Variants in ADAMTSL3 observed in about 807,000 individuals in gnomAD.
ADAMTSL3 encodes ADAMTS like 3.
A neutral mutation model predicts 201.7 loss-of-function variants in ADAMTSL3; 128 were observed. The observed-to-expected ratio is 0.63, with a 90% CI of 0.55 to 0.73. The LOEUF is 0.73. Among genes scored for constraint, ADAMTSL3 ranks in the 30% least tolerant of loss-of-function variants. The pLI, the probability that ADAMTSL3 is intolerant of heterozygous loss-of-function variation, is 0.00. For synonymous variants in ADAMTSL3, 738 were observed against 748.4 expected (o/e 0.99, Z 0.23); for missense variants, 1,990 against 2,119.6 (o/e 0.94, Z 1.20).
At position 83,819,842 on chromosome 15, in the gene ADAMTSL3, C is replaced by A; in HGVS notation, c.395C>A (p.Ala132Asp). The A allele has an allele frequency of 6.2e-7, 1 of 1,613,972 alleles. No homozygotes were observed. Among genetic ancestry groups the A allele is most frequent in the Non-Finnish European group, 8.5e-7 (1 of 1,180,032 alleles). Residue 132 changes from alanine to aspartate, a missense_variant, in exon 6 of 30, where the codon GCC (alanine) becomes GAC (aspartate). Transcript: ENST00000286744. ...CCTCCAGATGCAGAAGATTTCAGAG[C>A]CCAGCAGTGCTCAGCCTACAATGAT... ...DCPPDAEDFR[A>D]QQCSAYNDVQ...
intron 7 of ADAMTSL3, among the ~76,000 whole-genome samples, chr15:83,850,711 C>T (rs2141741430): frequency 6.6e-6 from 1 of 152,264 alleles, no homozygotes; most frequent in South Asian, 2.1e-4. Context: ...AGCACATTAA[C>T]AGTCTCTTTA....
rs1444338426 is a variant in ADAMTSL3, at chr15:83,913,178, C to A, written c.1787C>A (p.Thr596Lys). 1 of 1,614,084 alleles carries A rather than the reference C, an allele frequency of 6.2e-7. No homozygotes were observed. The highest frequency in any genetic ancestry group is 8.5e-7 in the Non-Finnish European group (1 of 1,180,044). The change falls in exon 16 of 30, where the codon ACA (threonine) becomes AAA (lysine). Residue 596 changes from threonine to lysine, a missense_variant. Transcript: ENST00000286744. ...VREVKCRVLL[T>K]FTQTETELPE... Reference sequence around the variant, plus strand: ...GAGGTGAAGTGCCGTGTGCTCCTCACATTCACGCAGACTGAGACTGAGCTG... The same window carrying A: ...GAGGTGAAGTGCCGTGTGCTCCTCAAATTCACGCAGACTGAGACTGAGCTG...
chr15:83,872,127 T>C (rs1392190350), intron 9 of ADAMTSL3, among the ~76,000 whole-genome samples: 1 of 152,178 alleles, frequency 6.6e-6, no homozygotes, highest in Non-Finnish European at 1.5e-5. Context: ...GGATTTTGAA[T>C]AATCAACTCT....
intron 20 of ADAMTSL3, among the ~76,000 whole-genome samples, chr15:83,978,109 G>T (rs2067317911): frequency 6.6e-6 from 1 of 152,354 alleles, no homozygotes; most frequent in East Asian, 1.9e-4. Context: ...GTCATGGCCA[G>T]AGCAAATGCT....
rs144261738 is a variant in ADAMTSL3 at position 83,940,157 on chromosome 15, T to C, written c.2118-2439T>C. ...TTGACATTTGATATTTCTATTAGTG[T>C]GCATTTAAAAATACTATTTACTTTC... On this transcript the variant is annotated intron_variant, in intron 17 of 29. Coordinates refer to ENST00000286744, the MANE Select transcript of ADAMTSL3 (RefSeq NM_207517.3). Among the ~76,000 whole-genome samples the C allele has an allele frequency of 1.4e-3, 218 of 152,346 alleles. 1 individual carries two copies. Among genetic ancestry groups the C allele is most frequent in the African/African-American group, 5.0e-3 (208 of 41,578 alleles).
At chr15:83,936,443 C>T (rs1430140263) in intron 17 of ADAMTSL3, among the ~76,000 whole-genome samples, 2 of 150,866 alleles carry the variant, frequency 1.3e-5, no homozygotes, top group Non-Finnish European at 2.9e-5. Flanking sequence ...ACAATAGTAA[C>T]AGATGAAAGT....
At chr15:83,780,488 A>G (rs2063151095) in intron 4 of ADAMTSL3, among the ~76,000 whole-genome samples, 1 of 152,100 alleles carries the variant, frequency 6.6e-6, no homozygotes, top group Non-Finnish European at 1.5e-5. Context: ...CATCTATGAC[A>G]AACCCACAGT....
intron 17 of ADAMTSL3, among the ~76,000 whole-genome samples, chr15:83,928,383 G>A (rs2142000358): frequency 6.6e-6 from 1 of 151,986 alleles, no homozygotes; most frequent in South Asian, 2.1e-4. Flanking sequence ...AATATGTTGG[G>A]GTATATTTTA....
At chr15:83,718,531 T>G (rs1186965945) in intron 3 of ADAMTSL3, among the ~76,000 whole-genome samples, 1 of 151,068 alleles carries the variant, frequency 6.6e-6, no homozygotes, top group Non-Finnish European at 1.5e-5. Context: ...TGGTGAAACC[T>G]CATTCCTACT....
At chr15:83,985,230 C>A (rs1288382900) in intron 21 of ADAMTSL3, among the ~76,000 whole-genome samples, 2 of 151,138 alleles carry the variant, frequency 1.3e-5, no homozygotes, top group Admixed American at 6.6e-5. Flanking sequence ...CCGTGTATCT[C>A]ATAAAAAAAA....
chr15:83,779,555 G>A (rs185078002), intron 4 of ADAMTSL3, among the ~76,000 whole-genome samples: 37 of 151,810 alleles, frequency 2.4e-4, no homozygotes, highest in Admixed American at 7.2e-4. Flanking sequence ...AAAATTAGCC[G>A]GGCGTGGTGG....
intron 16 of ADAMTSL3, among the ~76,000 whole-genome samples, chr15:83,915,821 A>G (rs1415225584): frequency 1.3e-5 from 2 of 152,216 alleles, no homozygotes; most frequent in Non-Finnish European, 1.5e-5. Flanking sequence ...AGCATGTTTC[A>G]GTACTTCATT....
intron 3 of ADAMTSL3, among the ~76,000 whole-genome samples, chr15:83,721,111 T>A (rs960163477): frequency 2.0e-5 from 3 of 152,232 alleles, no homozygotes; most frequent in African/African-American, 7.2e-5. Flanking sequence ...CAATTTTTTA[T>A]GTTTTTATTT....
chr15:83,680,176 G>C (rs182664963), intron 2 of ADAMTSL3, among the ~76,000 whole-genome samples: 2 of 152,154 alleles, frequency 1.3e-5, no homozygotes, highest in South Asian at 2.1e-4. Context: ...GTCTCTGCTT[G>C]TTGGCATTTA....
chr15:83,994,170 G>T (rs1172986317), intron 23 of ADAMTSL3, among the ~76,000 whole-genome samples: 2 of 152,226 alleles, frequency 1.3e-5, no homozygotes, highest in Non-Finnish European at 2.9e-5. Flanking sequence ...AACACAAGGT[G>T]CACTGGACAA....
chr15:83,727,723 A>T (rs969338353), intron 3 of ADAMTSL3, among the ~76,000 whole-genome samples: 10 of 152,052 alleles, frequency 6.6e-5, no homozygotes, highest in African/African-American at 2.4e-4. Flanking sequence ...TTGTGGTCAG[A>T]GAAGATACTT....
At chr15:83,714,273 G>T (rs925963198) in intron 3 of ADAMTSL3, among the ~76,000 whole-genome samples, 1 of 152,172 alleles carries the variant, frequency 6.6e-6, no homozygotes, top group African/African-American at 2.4e-5. Context: ...TCAGGATCCT[G>T]CTAGCTGTTG....
chr15:83,863,910 A>G (rs1596328588), intron 8 of ADAMTSL3, among the ~76,000 whole-genome samples: 2 of 152,248 alleles, frequency 1.3e-5, no homozygotes, highest in South Asian at 4.1e-4. Flanking sequence ...AATAGATGCA[A>G]TAAAAAATGA....
chr15:83,854,842 A>G (rs1225944938), intron 7 of ADAMTSL3, among the ~76,000 whole-genome samples: 1 of 152,162 alleles, frequency 6.6e-6, no homozygotes, highest in East Asian at 1.9e-4. Flanking sequence ...TTGGGTTTCA[A>G]ATTGTCCAAA....
Sources: allele counts gnomAD v4.1 joint callset (sites outside exome capture counted in the v4.1 genomes callset), GRCh38; gene constraint gnomAD v4.1.1; transcripts MANE v1.5; gene names NCBI Gene and HGNC (gene_info 2026-07-23, HGNC 2026-07-21).